FLOT2: variants seen among roughly 807,000 people sequenced by gnomAD.
The protein encoded by FLOT2 is flotillin 2, also known as flotillin-2.
Under a neutral mutation model 54.9 loss-of-function variants are expected in FLOT2, and 35 were observed. The observed-to-expected ratio is 0.64, with a 90% CI of 0.49 to 0.84. FLOT2 has a LOEUF of 0.84. Ranked by LOEUF, FLOT2 falls within the 40% of genes least tolerant of loss-of-function variation. The pLI is 0.00. For missense variants in FLOT2, 464 were observed against 572.1 expected, an observed-to-expected ratio of 0.81 and a Z score of 1.93; for synonymous variants, 207 against 228.9, an observed-to-expected ratio of 0.90 and a Z score of 0.86.
chr17:28,880,738 G>C lies in FLOT2; in HGVS notation c.1223C>G (p.Ala408Gly). 6.2e-7 allele frequency: 1 copy of C among 1,614,246 alleles called. No individual in the cohort carries two copies. Among genetic ancestry groups the C allele is most frequent in the Non-Finnish European group, 8.5e-7 (1 of 1,180,046 alleles). The part of the protein sequence containing the change: ...LLAELPASVH[A>G]LTGVDLSKIP... ...CTTAGACAGGTCCACGCCTGTGAGG[G>C]CATGCACAGAGGCAGGCAGCTCGGC... The change falls in exon 10 of 11, where the codon GCC (alanine) becomes GGC (glycine). Residue 408 changes from alanine to glycine, a missense_variant. Ala to Gly is a moderately conservative substitution (Grantham distance 60). Transcript: ENST00000394908.
Position 28,897,094 on chromosome 17 carries a change from C to T in FLOT2, c.49+432G>A. Among the ~76,000 whole-genome samples, 1 of 152,170 alleles carries T rather than the reference C, an allele frequency of 6.6e-6. No individual in the cohort carries two copies. The highest frequency in any genetic ancestry group is 1.9e-4 in the East Asian group (1 of 5,188). On this transcript the variant is annotated intron_variant, in intron 1 of 10. Coordinates refer to ENST00000394908, the MANE Select transcript of FLOT2 (RefSeq NM_004475.3). This position sits in a 1 kb window ranked among gnomAD's most constrained non-coding sequence, Gnocchi z 4.4. Reference sequence around the variant, plus strand: ...CCGAGAAACGACCTCTGTTTCAGGGCCCCTCCCCATACAGGCACCTGCCCT... The same window carrying T: ...CCGAGAAACGACCTCTGTTTCAGGGTCCCTCCCCATACAGGCACCTGCCCT...
chr17:28,894,663 G>A (rs373026264), intron 1 of FLOT2, among the ~76,000 whole-genome samples: 8 of 113,430 alleles, frequency 7.1e-5, no homozygotes, highest in South Asian at 2.9e-4. Flanking sequence ...GTGTGGTGGC[G>A]TCCACTTATA....
At chr17:28,894,963 G>C (rs2039718335) in intron 1 of FLOT2, among the ~76,000 whole-genome samples, 1 of 150,950 alleles carries the variant, frequency 6.6e-6, no homozygotes, top group African/African-American at 2.4e-5. Context: ...CCAGGCTGGA[G>C]TGCAGTGGTG....
chr17:28,890,855 ATTTCTTC>A (rs1257418580), intron 1 of FLOT2, among the ~76,000 whole-genome samples: 1 of 116,462 alleles, frequency 8.6e-6, no homozygotes, highest in East Asian at 2.7e-4. Context: ...GAGTGTTATC[ATTTCTTC>A]TTTTTTTTTT....
chr17:28,885,729 G>T (rs41280134), intron 2 of FLOT2: 10,003 of 727,566 alleles, frequency 0.014, 107 homozygotes, highest in Non-Finnish European at 0.016. Context: ...GAGCAGTGGA[G>T]GAGAGAAAAG....
Position 28,879,613 on chromosome 17 carries a change from G to A in FLOT2, c.*948C>T. The A allele has an allele frequency of 1.0e-6, 1 of 985,884 alleles. No homozygotes were observed. The highest frequency in any genetic ancestry group is 1.2e-6 in the Non-Finnish European group (1 of 830,030). 61.1% of individuals were successfully genotyped at this position (985,884 alleles called of 1,614,324 possible). On this transcript the variant is annotated 3_prime_UTR_variant, in exon 11 of 11. Transcript: ENST00000394908. ...CATCACTCTGGCCAGGAAGAAAGAT[G>A]GCACAAGGGCTCTGGGGTCTGGCCA... is the stretch of plus-strand genomic sequence containing the variant.
At chr17:28,894,670 T>TA (rs1466516330) in intron 1 of FLOT2, among the ~76,000 whole-genome samples, 1 of 140,738 alleles carries the variant, frequency 7.1e-6, no homozygotes, top group East Asian at 2.1e-4. Flanking sequence ...GGCGTCCACT[T>TA]ATAGTCTCAG....
At chr17:28,890,252 G>A (rs1376402025) in intron 1 of FLOT2, among the ~76,000 whole-genome samples, 1 of 152,188 alleles carries the variant, frequency 6.6e-6, no homozygotes, top group African/African-American at 2.4e-5. Context: ...AAGCAAAAAG[G>A]CCTAAAAAGG....
chr17:28,894,201 T>A (rs2039701875), intron 1 of FLOT2, among the ~76,000 whole-genome samples: 1 of 152,296 alleles, frequency 6.6e-6, no homozygotes, highest in Middle Eastern at 3.4e-3. Flanking sequence ...GAAGTCCATA[T>A]CCTGGCTGGG....
Position 28,881,173 on chromosome 17 carries a change from G to C in FLOT2, c.1098+19C>G, listed in dbSNP as rs117741203. 1 of 1,607,832 alleles carries C rather than the reference G, an allele frequency of 6.2e-7. No homozygotes were observed. The highest frequency in any genetic ancestry group is 1.1e-5 in the South Asian group (1 of 90,356). On this transcript the variant is annotated intron_variant, in intron 9 of 10. Coordinates refer to ENST00000394908, the MANE Select transcript of FLOT2 (RefSeq NM_004475.3). Reference sequence around the variant, plus strand: ...CAAGGACACTTGAACCCTAGGACCCGCTTGGGTGGAAGCCTCACCTGGGGC... The same window carrying C: ...CAAGGACACTTGAACCCTAGGACCCCCTTGGGTGGAAGCCTCACCTGGGGC...
chr17:28,880,271 A>G lies in FLOT2; in HGVS notation c.*290T>C. 7.6e-7 allele frequency: 1 copy of G among 1,311,018 alleles called. No homozygotes were observed. The highest frequency in any genetic ancestry group is 1.5e-5 in the African/African-American group (1 of 67,144). The allele number at this position is 1,311,018 out of a possible 1,614,324, so 81.2% of individuals were successfully genotyped here. On this transcript the variant is annotated 3_prime_UTR_variant, in exon 11 of 11. Coordinates refer to ENST00000394908, the MANE Select transcript of FLOT2 (RefSeq NM_004475.3). ...AATAAACATCTTCAGCTTAATCTAC[A>G]TGATGTGCATGGGGGAAAGAAAAAG...
intron 8 of FLOT2, 47 bp downstream of exon 8, chr17:28,881,767 A>G: frequency 6.4e-7 from 1 of 1,555,034 alleles, no homozygotes; most frequent in Non-Finnish European, 8.8e-7. Context: ...CACTGAAGGC[A>G]GAGGAGCCTG....
At chr17:28,886,426 G>A (rs1240461220) in intron 2 of FLOT2, among the ~76,000 whole-genome samples, 4 of 152,188 alleles carry the variant, frequency 2.6e-5, no homozygotes, top group East Asian at 3.9e-4. Flanking sequence ...TGCCGAATCC[G>A]CCAGGTCTGC....
At chr17:28,881,044 C>T in intron 9 of FLOT2, 148 bp downstream of exon 9, 2 of 1,018,428 alleles carry the variant, frequency 2.0e-6, no homozygotes, top group Non-Finnish European at 2.9e-6. Flanking sequence ...TTGTAGGGTT[C>T]CTGCCCCCTG....
chr17:28,887,249 G>GAGGCTGAGTATCC lies in FLOT2; in HGVS notation c.131+1683_131+1695dup, dbSNP rs1276695494. Among the ~76,000 whole-genome samples the GAGGCTGAGTATCC allele has an allele frequency of 2.0e-5, 3 of 152,142 alleles. No homozygotes were observed. The East Asian group carries it at 5.8e-4, about 29-fold the overall frequency. ...CAGCTGCAGAAAGGACCTTGAGAGG[G>GAGGCTGAGTATCC]AGGCTGAGTATCCAGGCTGAGTTAG... On this transcript the variant is annotated intron_variant, in intron 2 of 10. Coordinates refer to ENST00000394908, the MANE Select transcript of FLOT2 (RefSeq NM_004475.3).
intron 1 of FLOT2, among the ~76,000 whole-genome samples, chr17:28,895,948 T>G (rs1036088364): frequency 6.6e-6 from 1 of 151,818 alleles, no homozygotes; most frequent in African/African-American, 2.4e-5. Context: ...GGGGCAGGGG[T>G]GGGGGCAGTT....
chr17:28,880,788 G>A lies in FLOT2; in HGVS notation c.1173C>T (p.Val391=). The change falls in exon 10 of 11, where the codon GTC becomes GTT. Residue 391 remains valine (V), a synonymous_variant. Transcript: ENST00000394908. ...CCAGCAGTCGGTTCACTTCTGATGT[G>A]ACCTTACTGTTGTCTCCACTGAGGA... ...IVVLSGDNSK[V]TSEVNRLLAE... 6.2e-7 allele frequency: 1 copy of A among 1,614,184 alleles called. No homozygotes were observed. Among genetic ancestry groups the A allele is most frequent in the Non-Finnish European group, 8.5e-7 (1 of 1,180,022 alleles).
rs1047604187 is a variant in FLOT2 at position 28,879,586 on chromosome 17, C to T, written c.*975G>A. On this transcript the variant is annotated 3_prime_UTR_variant, in exon 11 of 11. Transcript: ENST00000394908. ...TGGGTTGCTTCCCCATGGCTGGAACCCCATCACTCTGGCCAGGAAGAAAGA... is the reference window on the plus strand; with the variant it reads ...TGGGTTGCTTCCCCATGGCTGGAACTCCATCACTCTGGCCAGGAAGAAAGA... 5 of 985,814 alleles carry T rather than the reference C, an allele frequency of 5.1e-6. No homozygotes were observed. In the African/African-American group the frequency reaches 8.7e-5, roughly 17 times the overall value. 61.1% of individuals were successfully genotyped at this position (985,814 alleles called of 1,614,324 possible).
chr17:28,882,637 A>G lies in FLOT2; in HGVS notation c.401T>C (p.Val134Ala), dbSNP rs1267906914. 6.2e-7 allele frequency: 1 copy of G among 1,613,634 alleles called. No individual in the cohort carries two copies. The highest frequency in any genetic ancestry group is 8.5e-7 in the Non-Finnish European group (1 of 1,179,932). The change falls in exon 5 of 11, where the codon GTG becomes GCG. Residue 134 changes from valine to alanine, a missense_variant. Coordinates refer to ENST00000394908, the MANE Select transcript of FLOT2 (RefSeq NM_004475.3). This position sits in a 1 kb window ranked among gnomAD's most constrained non-coding sequence, Gnocchi z 5.6. ...YQDRDQFAKL[V>A]REVAAPDVGR... ...AACATCAGGGGCTGCCACCTCCCGC[A>G]CCAGCTTGGCAAACTGGTCCCGGTC...
Sources: allele counts gnomAD v4.1 joint callset (sites outside exome capture counted in the v4.1 genomes callset), GRCh38; gene constraint gnomAD v4.1.1; non-coding constraint Gnocchi (gnomAD v3.1); transcripts MANE v1.5; gene names NCBI Gene and HGNC (gene_info 2026-07-23, HGNC 2026-07-21).